The following ZFAT variants were observed in gnomAD, a reference collection of about 807,000 sequenced individuals.
ZFAT encodes the protein zinc finger protein ZFAT.
Under a neutral mutation model 117.7 loss-of-function variants are expected in ZFAT, and 64 were observed. The ratio of observed to expected loss-of-function variants is 0.54; its 90% CI spans 0.44 to 0.67. ZFAT has a LOEUF of 0.67. ZFAT is among the 30% of genes least tolerant of loss of function. ZFAT has a pLI of 0.00. For missense variants in ZFAT, 1,433 were observed against 1,584.5 expected (o/e 0.90, Z 1.62); for synonymous variants, 679 against 615.0 (o/e 1.10, Z -1.54).
chr8:134,807,993 G>C, the ZFAT span, among the ~76,000 whole-genome samples: 4 of 152,278 alleles, frequency 2.6e-5, no homozygotes, highest in East Asian at 5.8e-4. Flanking sequence ...TGTAACAAAA[G>C]CTTCAAAGTG....
At chr8:134,778,769 A>G in the ZFAT span, among the ~76,000 whole-genome samples, 1 of 152,230 alleles carries the variant, frequency 6.6e-6, no homozygotes, top group East Asian at 1.9e-4. Flanking sequence ...TGGCAGGAGG[A>G]TGATGAAGCA....
the ZFAT span, among the ~76,000 whole-genome samples, chr8:134,757,980 T>A: frequency 2.0e-5 from 3 of 152,240 alleles, no homozygotes; most frequent in Non-Finnish European, 4.4e-5. Context: ...CTGATCAATC[T>A]GAAGTCAAAT....
chr8:134,577,557 C>T (rs1228930789), intron 10 of ZFAT, among the ~76,000 whole-genome samples: 4 of 152,164 alleles, frequency 2.6e-5, no homozygotes, highest in Non-Finnish European at 4.4e-5. Flanking sequence ...ACTACTATAT[C>T]GCAACCACTT....
At chr8:134,529,126 TG>T (rs1821227783) in intron 12 of ZFAT, among the ~76,000 whole-genome samples, 1 of 152,128 alleles carries the variant, frequency 6.6e-6, no homozygotes, top group African/African-American at 2.4e-5. Context: ...AGGTCCACAG[TG>T]ATCAAAAATC....
chr8:134,565,563 T>C (rs1418502823), intron 10 of ZFAT, 142 bp from the exon 11 acceptor site: 3 of 800,220 alleles, frequency 3.7e-6, no homozygotes, highest in South Asian at 3.0e-5. Flanking sequence ...AGCGACGAGG[T>C]GCACAGGCAC....
chr8:134,538,494 A>T (rs1269444816), intron 11 of ZFAT, among the ~76,000 whole-genome samples: 1 of 152,222 alleles, frequency 6.6e-6, no homozygotes, highest in Non-Finnish European at 1.5e-5. Context: ...CATCAAAAAA[A>T]TCTTTCTCAA....
At chr8:134,830,201 A>C in the ZFAT span, among the ~76,000 whole-genome samples, 2 of 152,174 alleles carry the variant, frequency 1.3e-5, no homozygotes, top group African/African-American at 4.8e-5. Context: ...AAAAACATAA[A>C]AATTTATTTA....
the ZFAT span, among the ~76,000 whole-genome samples, chr8:134,737,426 C>T: frequency 6.6e-6 from 1 of 152,186 alleles, no homozygotes; most frequent in African/African-American, 2.4e-5. Context: ...TCAAAAGCAG[C>T]AGCTTCCTAA....
intron 3 of ZFAT, among the ~76,000 whole-genome samples, 188 bp downstream of exon 3, chr8:134,637,273 T>C (rs1414648015): frequency 2.6e-5 from 4 of 152,244 alleles, no homozygotes; most frequent in Non-Finnish European, 5.9e-5. Context: ...AACTCCCAGA[T>C]GACACATTCA....
chr8:134,716,181 A>G (rs112762116), upstream of ZFAT, among the ~76,000 whole-genome samples: 225 of 133,288 alleles, frequency 1.7e-3, 1 homozygote, highest in African/African-American at 6.2e-3. Context: ...ACACACACAC[A>G]CATATATATA....
intron 11 of ZFAT, 169 bp downstream of exon 11, chr8:134,565,164 G>A (rs1824344039): frequency 1.3e-6 from 2 of 1,532,712 alleles, no homozygotes; most frequent in Admixed American, 3.9e-5. Flanking sequence ...TGGAACGAGA[G>A]AGCACAAATA....
intron 2 of ZFAT, among the ~76,000 whole-genome samples, chr8:134,653,338 G>A (rs1831390007): frequency 7.0e-6 from 1 of 143,278 alleles, no homozygotes; most frequent in African/African-American, 2.6e-5. Flanking sequence ...GTGCAGTGGT[G>A]CAATCACAGC....
intron 1 of ZFAT, among the ~76,000 whole-genome samples, chr8:134,702,438 G>A (rs1834035803): frequency 6.6e-6 from 1 of 152,146 alleles, no homozygotes; most frequent in South Asian, 2.1e-4. Context: ...CGTTGTAGGA[G>A]GAACCCAATG....
chr8:134,521,766 A>G (rs929752175), intron 12 of ZFAT, among the ~76,000 whole-genome samples: 2 of 152,206 alleles, frequency 1.3e-5, no homozygotes, highest in African/African-American at 4.8e-5. Context: ...CTCCAGTCTC[A>G]GGAGACTAAG....
intron 11 of ZFAT, chr8:134,565,124 T>C (rs1478108864): frequency 6.6e-7 from 1 of 1,517,740 alleles, no homozygotes; most frequent in Non-Finnish European, 8.8e-7. Flanking sequence ...TTTGACTTGG[T>C]TTCCAAATTA....
chr8:134,779,119 G>T, the ZFAT span, among the ~76,000 whole-genome samples: 5 of 152,334 alleles, frequency 3.3e-5, no homozygotes, highest in African/African-American at 1.2e-4. Flanking sequence ...GCTTAAGCCA[G>T]GGAATCTGAA....
intron 10 of ZFAT, among the ~76,000 whole-genome samples, chr8:134,573,470 A>T (rs1586734783): frequency 6.6e-6 from 1 of 152,034 alleles, no homozygotes; most frequent in Non-Finnish European, 1.5e-5. Flanking sequence ...TGGTGGAGGG[A>T]AAGGGATCCC....
intron 3 of ZFAT, among the ~76,000 whole-genome samples, chr8:134,623,190 C>T (rs1829253550): frequency 6.6e-6 from 1 of 152,158 alleles, no homozygotes. Context: ...GAGGCACACC[C>T]CCAATCAATG....
intron 11 of ZFAT, among the ~76,000 whole-genome samples, chr8:134,546,746 A>C (rs1025952873): frequency 6.6e-6 from 1 of 152,216 alleles, no homozygotes; most frequent in East Asian, 1.9e-4. Flanking sequence ...TCAGACCTCA[A>C]TCTAGCTCTA....
Sources: gnomAD v4.1 joint callset for allele counts (sites outside exome capture counted in the v4.1 genomes callset) on GRCh38, gnomAD v4.1.1 for gene constraint, MANE v1.5 for transcripts, NCBI Gene and HGNC (gene_info 2026-07-23, HGNC 2026-07-21) for gene names.